Variants in USP25 observed in about 807,000 individuals in gnomAD.
USP25 encodes ubiquitin specific peptidase 25.
Under a neutral mutation model 158.5 loss-of-function variants are expected in USP25, and 85 were observed. The observed-to-expected ratio is 0.54, with a 90% CI of 0.45 to 0.64. USP25 has a LOEUF of 0.64. USP25 is among the 30% of genes least tolerant of loss of function. The pLI, the probability that USP25 is intolerant of heterozygous loss-of-function variation, is 0.00. For synonymous variants in USP25, 464 were observed against 460.4 expected (o/e 1.01, Z -0.10); for missense variants, 1,242 against 1,327.3 (o/e 0.94, Z 1.00).
chr21:15,805,027 A>T, intron 6 of USP25, 94 bp from the exon 7 acceptor site: 4 of 1,312,274 alleles, frequency 3.0e-6, no homozygotes. Context: ...TGGCTAGTTT[A>T]ATTTTTGGTT....
chr21:15,754,474 G>A (rs144346704), intron 1 of USP25, among the ~76,000 whole-genome samples: 5 of 152,128 alleles, frequency 3.3e-5, no homozygotes, highest in Admixed American at 1.3e-4. Flanking sequence ...TTTAGTGCAC[G>A]TGCTTCTGAA....
Position 15,789,390 on chromosome 21 carries a change from A to G in USP25, c.393-2112A>G, listed in dbSNP as rs914046465. On this transcript the variant is annotated intron_variant, in intron 4 of 25. Coordinates refer to ENST00000400183, the MANE Select transcript of USP25 (RefSeq NM_001283041.3). ...TCCTCAAGTTTTCTGTAGCTGATGT[A>G]TGTATGAACCATTTCCTGCTTATTG... is the stretch of plus-strand genomic sequence containing the variant. Among the ~76,000 whole-genome samples the G allele has an allele frequency of 3.8e-4, 58 of 152,106 alleles. 1 individual carries two copies. The highest frequency in any genetic ancestry group is 7.4e-5 in the Non-Finnish European group (5 of 68,002).
chr21:15,762,553 A>G (rs1397877477), intron 1 of USP25, among the ~76,000 whole-genome samples: 1 of 152,146 alleles, frequency 6.6e-6, no homozygotes, highest in Non-Finnish European at 1.5e-5. Context: ...CCTTGTGCTT[A>G]CCATCATGGA....
At chr21:15,817,315 T>C (rs1347001212) in intron 9 of USP25, among the ~76,000 whole-genome samples, 4 of 152,284 alleles carry the variant, frequency 2.6e-5, no homozygotes, top group Middle Eastern at 3.4e-3. Context: ...TATGTATAAA[T>C]GTATATGTAT....
At chr21:15,811,069 C>A in intron 8 of USP25, 68 bp from the exon 9 acceptor site, 1 of 1,367,698 alleles carries the variant, frequency 7.3e-7, no homozygotes, top group South Asian at 1.3e-5. Flanking sequence ...TGTTATAGTT[C>A]TTTAATATTT....
intron 22 of USP25, among the ~76,000 whole-genome samples, chr21:15,869,147 CAGAGGT>C (rs2039777963): frequency 6.6e-6 from 1 of 150,846 alleles, no homozygotes; most frequent in East Asian, 1.9e-4. Context: ...ACTTGGGAGA[CAGAGGT>C]AGGAGGATTG....
intron 10 of USP25, among the ~76,000 whole-genome samples, chr21:15,821,813 C>T (rs945085856): frequency 2.0e-5 from 3 of 151,822 alleles, no homozygotes; most frequent in Non-Finnish European, 4.4e-5. Context: ...GTAATCCTCT[C>T]ATAAAAGCAA....
chr21:15,820,759 A>G (rs772328035), intron 10 of USP25, among the ~76,000 whole-genome samples: 3 of 152,024 alleles, frequency 2.0e-5, no homozygotes, highest in Non-Finnish European at 4.4e-5. Flanking sequence ...AATCCCTGAT[A>G]ACAATAGCTT....
At chr21:15,764,919 A>G (rs1432792889) in intron 2 of USP25, among the ~76,000 whole-genome samples, 1 of 152,098 alleles carries the variant, frequency 6.6e-6, no homozygotes. Context: ...CCAGCTGCTC[A>G]GTCCTTAAAT....
chr21:15,807,162 A>G (rs1200000927), intron 7 of USP25, among the ~76,000 whole-genome samples: 1 of 152,206 alleles, frequency 6.6e-6, no homozygotes. Context: ...TCCTGGGCTC[A>G]AGCTATCCTC....
chr21:15,788,280 C>T (rs1365429871), intron 4 of USP25, among the ~76,000 whole-genome samples: 1 of 151,654 alleles, frequency 6.6e-6, no homozygotes, highest in Admixed American at 6.6e-5. Flanking sequence ...AACCCTTATG[C>T]AGGATTTTGC....
At chr21:15,730,492 C>T in intron 1 of USP25, 54 bp downstream of exon 1, 1 of 1,306,140 alleles carries the variant, frequency 7.7e-7, no homozygotes, top group Non-Finnish European at 9.8e-7. Context: ...ACGGGCTGTC[C>T]TCTCCCGCTG....
intron 20 of USP25, among the ~76,000 whole-genome samples, chr21:15,860,476 G>T (rs986352825): frequency 2.0e-5 from 3 of 152,064 alleles, no homozygotes; most frequent in Admixed American, 2.0e-4. Flanking sequence ...TTGACTAACA[G>T]CCCAATAGGT....
At chr21:15,783,116 C>G (rs1328516358) in intron 4 of USP25, among the ~76,000 whole-genome samples, 2 of 150,510 alleles carry the variant, frequency 1.3e-5, no homozygotes, top group Non-Finnish European at 3.0e-5. Flanking sequence ...AAAAAAAATA[C>G]AATTGAGAGC....
chr21:15,768,862 C>T (rs1336250916), intron 3 of USP25, among the ~76,000 whole-genome samples: 1 of 151,978 alleles, frequency 6.6e-6, no homozygotes, highest in African/African-American at 2.4e-5. Flanking sequence ...TCTCTTAAAA[C>T]CAGGGCTAAA....
chr21:15,877,208 G>C (rs1050696953), intron 24 of USP25: 4 of 152,164 alleles, frequency 2.6e-5, no homozygotes, highest in African/African-American at 4.8e-5. Flanking sequence ...GAAAAAGTTT[G>C]CCAATCCTTG....
intron 1 of USP25, among the ~76,000 whole-genome samples, chr21:15,742,958 G>A (rs972488684): frequency 2.0e-5 from 3 of 152,214 alleles, no homozygotes; most frequent in Non-Finnish European, 4.4e-5. Flanking sequence ...GGAACGTGGT[G>A]GAACCCAGAA....
chr21:15,819,352 C>T (rs2037111024), intron 10 of USP25, among the ~76,000 whole-genome samples: 1 of 152,112 alleles, frequency 6.6e-6, no homozygotes, highest in Non-Finnish European at 1.5e-5. Context: ...ATATGTCTAC[C>T]TCAACTAGTT....
intron 1 of USP25, among the ~76,000 whole-genome samples, chr21:15,760,594 A>C (rs1044910140): frequency 9.8e-5 from 15 of 152,346 alleles, no homozygotes; most frequent in Admixed American, 7.8e-4. Flanking sequence ...GACTTTTTAG[A>C]CTTCTGAAAA....
Sources: allele counts gnomAD v4.1 joint callset (sites outside exome capture counted in the v4.1 genomes callset), GRCh38; gene constraint gnomAD v4.1.1; transcripts MANE v1.5; gene names NCBI Gene and HGNC (gene_info 2026-07-23, HGNC 2026-07-21).